PKHD1: variants seen among roughly 807,000 people sequenced by gnomAD.
The protein encoded by PKHD1 is fibrocystin.
PKHD1 carries 291 observed loss-of-function variants against 412.0 expected under a neutral mutation model. The ratio of observed to expected loss-of-function variants is 0.71; its 90% CI spans 0.64 to 0.78. PKHD1 has a LOEUF of 0.78. Among genes scored for constraint, PKHD1 ranks in the 30% least tolerant of loss-of-function variants. The probability of loss-of-function intolerance (pLI) is 0.00; values close to 1 mark genes in which losing one functional copy is unlikely to be tolerated. For synonymous variants in PKHD1, 1,777 were observed against 1,821.5 expected (o/e 0.98, Z 0.62); for missense variants, 4,825 against 4,950.7 (o/e 0.97, Z 0.76).
intron 27 of PKHD1, among the ~76,000 whole-genome samples, chr6:52,036,748 A>T (rs1804014137): frequency 6.6e-6 from 1 of 152,220 alleles, no homozygotes; most frequent in South Asian, 2.1e-4. Flanking sequence ...AATTAAGAAG[A>T]TAAAAAAATT....
intron 35 of PKHD1, chr6:51,975,976 A>C (rs951812854): frequency 6.7e-6 from 1 of 148,642 alleles, no homozygotes; most frequent in East Asian, 2.0e-4. Context: ...AAAAAAAAAA[A>C]AAAAAAAAAA....
chr6:51,676,336 C>T (rs1775853975), intron 60 of PKHD1, among the ~76,000 whole-genome samples: 1 of 150,896 alleles, frequency 6.6e-6, no homozygotes, highest in Non-Finnish European at 1.5e-5. Flanking sequence ...GACTCAAATG[C>T]ACATAGAATC....
At chr6:51,679,766 C>T (rs1337407170) in intron 60 of PKHD1, among the ~76,000 whole-genome samples, 2 of 151,980 alleles carry the variant, frequency 1.3e-5, no homozygotes, top group Admixed American at 1.3e-4. Flanking sequence ...TCCTTTCACA[C>T]TGCCTTTATT....
At chr6:51,867,697 C>A (rs1775300300) in intron 48 of PKHD1, among the ~76,000 whole-genome samples, 166 bp downstream of exon 48, 1 of 152,082 alleles carries the variant, frequency 6.6e-6, no homozygotes, top group Non-Finnish European at 1.5e-5. Context: ...TTAAAACTAC[C>A]ATACACTCAT....
intron 37 of PKHD1, among the ~76,000 whole-genome samples, chr6:51,923,337 C>G (rs1328716083): frequency 6.6e-6 from 1 of 152,094 alleles, no homozygotes; most frequent in Non-Finnish European, 1.5e-5. Context: ...CACGTGGTCT[C>G]TGTCATAATG....
At chr6:51,643,905 T>G (rs1019514079) in intron 63 of PKHD1, among the ~76,000 whole-genome samples, 1 of 151,972 alleles carries the variant, frequency 6.6e-6, no homozygotes, top group Non-Finnish European at 1.5e-5. Context: ...TGTCCATGTG[T>G]TCTCACTGGA....
rs267601069 is a variant in PKHD1 at position 51,659,434 on chromosome 6, G to A, written c.10692C>T (p.Ala3564=). 6.2e-7 allele frequency: 1 copy of A among 1,613,542 alleles called. No individual in the cohort carries two copies. The highest frequency in any genetic ancestry group is 2.2e-5 in the East Asian group (1 of 44,834). Residue 3564 remains alanine (A), a synonymous_variant, in exon 61 of 67, where the codon GCC becomes GCT. Coordinates refer to ENST00000371117, the MANE Select transcript of PKHD1 (RefSeq NM_138694.4). ...EIRSGVSIHL[A]LTVMVSVLEK... is the part of the protein sequence containing the mutation. Reference sequence around the variant, plus strand: ...CTAAGACTGAAACCATCACAGTGAGGGCCAAGTGAATGGAAACACCTGAGC... The same window carrying A: ...CTAAGACTGAAACCATCACAGTGAGAGCCAAGTGAATGGAAACACCTGAGC...
chr6:51,882,978 T>C (rs1777616801), intron 46 of PKHD1, 115 bp downstream of exon 46: 1 of 788,498 alleles, frequency 1.3e-6, no homozygotes, highest in African/African-American at 1.7e-5. Context: ...ACTAATTAAA[T>C]ATGAGATTCA....
intron 60 of PKHD1, among the ~76,000 whole-genome samples, chr6:51,712,043 A>G (rs963127200): frequency 6.6e-6 from 1 of 152,236 alleles, no homozygotes; most frequent in Non-Finnish European, 1.5e-5. Flanking sequence ...CAGTAAAATA[A>G]TAAGCTTTAT....
At chr6:51,887,864 T>C (rs1778466822) in intron 43 of PKHD1, among the ~76,000 whole-genome samples, 1 of 152,234 alleles carries the variant, frequency 6.6e-6, no homozygotes, top group South Asian at 2.1e-4. Flanking sequence ...TTGTCATTCT[T>C]CTTCCTCCAG....
At chr6:51,685,481 T>C (rs1219043685) in intron 60 of PKHD1, among the ~76,000 whole-genome samples, 1 of 152,182 alleles carries the variant, frequency 6.6e-6, no homozygotes, top group Non-Finnish European at 1.5e-5. Flanking sequence ...TGTTCTCATA[T>C]TACAAAACAA....
intron 37 of PKHD1, among the ~76,000 whole-genome samples, chr6:51,925,184 A>C (rs1785332256): frequency 6.6e-6 from 1 of 152,244 alleles, no homozygotes. Flanking sequence ...GCAGAACGCC[A>C]GCAAAGATCC....
At chr6:51,849,311 AT>A (rs1362061146) in intron 49 of PKHD1, among the ~76,000 whole-genome samples, 1 of 151,658 alleles carries the variant, frequency 6.6e-6, no homozygotes, top group Non-Finnish European at 1.5e-5. Flanking sequence ...ATTGATGGGC[AT>A]TTTCCATGTC....
At position 52,023,899 on chromosome 6, in the gene PKHD1, T is replaced by G. The variant is rs1801756930; in HGVS notation, c.5236+675A>C. The stretch of plus-strand genomic sequence containing the variant: ...GTGTTCCACCAAGCTGAGACCAAAT[T>G]TTTTCTAAGAAATGTCTTAGTTAGT... On this transcript the variant is annotated intron_variant, in intron 32 of 66. Coordinates refer to ENST00000371117, the MANE Select transcript of PKHD1 (RefSeq NM_138694.4). 3.3e-5 allele frequency among the ~76,000 whole-genome samples: 5 copies of G among 152,162 alleles called. No individual in the cohort carries two copies. In the South Asian group the frequency reaches 1.0e-3, roughly 31 times the overall value.
chr6:51,922,726 T>A (rs148966281), intron 37 of PKHD1, among the ~76,000 whole-genome samples: 2 of 152,324 alleles, frequency 1.3e-5, no homozygotes, highest in East Asian at 3.9e-4. Flanking sequence ...CAAGGATCCA[T>A]GGGCATGGGA....
At chr6:51,750,109 C>T (rs1308299582) in intron 57 of PKHD1, among the ~76,000 whole-genome samples, 1 of 152,064 alleles carries the variant, frequency 6.6e-6, no homozygotes, top group Non-Finnish European at 1.5e-5. Flanking sequence ...AATCGGCTGC[C>T]ATGAAGAAGC....
chr6:51,975,314 CTT>C (rs1794227802), intron 35 of PKHD1, among the ~76,000 whole-genome samples: 1 of 151,964 alleles, frequency 6.6e-6, no homozygotes, highest in South Asian at 2.1e-4. Flanking sequence ...AAATTAAACT[CTT>C]TTGTGTATCA....
chr6:52,004,579 T>G (rs1020689249), intron 35 of PKHD1, among the ~76,000 whole-genome samples: 11 of 152,328 alleles, frequency 7.2e-5, no homozygotes, highest in Non-Finnish European at 1.5e-4. Context: ...GGAGATTTTT[T>G]TATCTTCCTT....
chr6:51,959,934 C>T lies in PKHD1; in HGVS notation c.5844G>A (p.Val1948=). 1 of 1,613,502 alleles carries T rather than the reference C, an allele frequency of 6.2e-7. No homozygotes were observed. The highest frequency in any genetic ancestry group is 8.5e-7 in the Non-Finnish European group (1 of 1,179,576). ...CCAGCAGAAGCAATTGGCCATTCTC[C>T]ACTGTGACGTTGTCGCCATCTTGTG... ...RLPQDGDNVT[V]ENGQLLLLDT... Residue 1948 remains valine (V), a synonymous_variant, in exon 36 of 67, where the codon GTG becomes GTA. Coordinates refer to ENST00000371117, the MANE Select transcript of PKHD1 (RefSeq NM_138694.4).
Sources: gnomAD v4.1 joint callset for allele counts (sites outside exome capture counted in the v4.1 genomes callset) on GRCh38, gnomAD v4.1.1 for gene constraint, MANE v1.5 for transcripts, NCBI Gene and HGNC (gene_info 2026-07-23, HGNC 2026-07-21) for gene names.